Variants in PRTG observed in about 807,000 individuals in gnomAD.
PRTG encodes immunoglobulin superfamily, DCC subclass, member 5.
A neutral mutation model predicts 122.5 loss-of-function variants in PRTG; 67 were observed. That is an observed-to-expected ratio of 0.55 (90% CI 0.45 to 0.67). The LOEUF (loss-of-function observed/expected upper bound fraction) is 0.67, where lower values mean the gene tolerates loss of function less well. PRTG is among the 30% of genes least tolerant of loss of function. PRTG has a pLI of 0.00. For synonymous variants in PRTG, 554 were observed against 501.1 expected, an observed-to-expected ratio of 1.11 and a Z score of -1.41; for missense variants, 1,435 against 1,415.4, an observed-to-expected ratio of 1.01 and a Z score of -0.22.
Position 55,740,555 on chromosome 15 carries a change from T to C in PRTG, c.224A>G (p.Asn75Ser), listed in dbSNP as rs1471859613. 5.0e-6 allele frequency: 8 copies of C among 1,614,216 alleles called. No homozygotes were observed. Among genetic ancestry groups the C allele is most frequent in the Non-Finnish European group, 5.9e-6 (7 of 1,180,026 alleles). Residue 75 changes from asparagine to serine, a missense_variant, in exon 2 of 20, where the codon AAT becomes AGT. Transcript: ENST00000389286. ...EVPIKVTWLK[N>S]GAKMSENKRI... ...TTTATTTTCAGACATTTTTGCTCCATTTTTCAACCATGTGACCTTAATAGG... is the reference window on the plus strand; with the variant it reads ...TTTATTTTCAGACATTTTTGCTCCACTTTTCAACCATGTGACCTTAATAGG...
chr15:55,664,616 A>G (rs933087556), intron 11 of PRTG, among the ~76,000 whole-genome samples: 1 of 152,100 alleles, frequency 6.6e-6, no homozygotes, highest in African/African-American at 2.4e-5. Context: ...AGGGTCTCAC[A>G]GGCCCTACTT....
chr15:55,617,786 G>C lies in PRTG; in HGVS notation c.*2226C>G, dbSNP rs1397020394. ...TCCTAGACACATCTTCCATAACCAT[G>C]ATGGATGATGTTTCAGCTTTAGATT... On this transcript the variant is annotated 3_prime_UTR_variant, in exon 20 of 20. Transcript: ENST00000389286. 1.3e-5 allele frequency: 2 copies of C among 152,094 alleles called. No individual in the cohort carries two copies. Among genetic ancestry groups the C allele is most frequent in the Non-Finnish European group, 2.9e-5 (2 of 68,004 alleles). 9.4% of individuals were successfully genotyped at this position (152,094 alleles called of 1,614,324 possible).
intron 2 of PRTG, among the ~76,000 whole-genome samples, chr15:55,686,393 TCTTA>T (rs919485797): frequency 7.2e-5 from 11 of 152,054 alleles, no homozygotes; most frequent in South Asian, 2.1e-4. Flanking sequence ...GACTGAAATA[TCTTA>T]CTTAGTTTAA....
chr15:55,675,798 C>CTG, intron 8 of PRTG, 115 bp from the exon 9 acceptor site: 1 of 525,318 alleles, frequency 1.9e-6, no homozygotes, highest in South Asian at 4.2e-5. Context: ...CTCTTATCTT[C>CTG]TGTGCCCCTT....
intron 2 of PRTG, among the ~76,000 whole-genome samples, chr15:55,697,800 T>G (rs2059640057): frequency 6.6e-6 from 1 of 152,230 alleles, no homozygotes; most frequent in Non-Finnish European, 1.5e-5. Flanking sequence ...TCAAATTTCT[T>G]ACTTTTCCTG....
intron 1 of PRTG, among the ~76,000 whole-genome samples, chr15:55,740,976 A>G (rs1276425449): frequency 6.6e-6 from 1 of 152,246 alleles, no homozygotes; most frequent in Non-Finnish European, 1.5e-5. Flanking sequence ...CAAAATCATC[A>G]GGAAAACTCA....
intron 11 of PRTG, among the ~76,000 whole-genome samples, chr15:55,643,454 G>C (rs1169713870): frequency 6.6e-6 from 1 of 152,128 alleles, no homozygotes; most frequent in Non-Finnish European, 1.5e-5. Flanking sequence ...TGTTTTCTGA[G>C]AGAGGGTCTT....
At chr15:55,680,961 C>T (rs2059534738) in intron 4 of PRTG, among the ~76,000 whole-genome samples, 1 of 152,110 alleles carries the variant, frequency 6.6e-6, no homozygotes, top group Admixed American at 6.5e-5. Flanking sequence ...CTGGATTTGC[C>T]TATTCTAGAC....
At chr15:55,625,395 G>A (rs1371311367) in intron 17 of PRTG, among the ~76,000 whole-genome samples, 3 of 151,922 alleles carry the variant, frequency 2.0e-5, no homozygotes, top group African/African-American at 4.8e-5. Flanking sequence ...TACTGAAACA[G>A]AAAATATTCC....
At chr15:55,741,390 CAACT>C (rs1314798998) in intron 1 of PRTG, among the ~76,000 whole-genome samples, 1 of 152,102 alleles carries the variant, frequency 6.6e-6, no homozygotes, top group Non-Finnish European at 1.5e-5. Flanking sequence ...CTAGAACTAC[CAACT>C]GTTGGAAAAA....
chr15:55,626,540 G>A (rs1037939652), intron 17 of PRTG, among the ~76,000 whole-genome samples: 1 of 151,294 alleles, frequency 6.6e-6, no homozygotes, highest in Non-Finnish European at 1.5e-5. Context: ...CACGAGGTCA[G>A]GAGATCAAGA....
chr15:55,659,235 T>G (rs1052399436), intron 11 of PRTG, among the ~76,000 whole-genome samples: 3 of 152,208 alleles, frequency 2.0e-5, no homozygotes, highest in Non-Finnish European at 4.4e-5. Context: ...CAATAAACTA[T>G]GTCAGGATGA....
chr15:55,629,355 C>T, intron 15 of PRTG, among the ~76,000 whole-genome samples: 1 of 78,258 alleles, frequency 1.3e-5, no homozygotes, highest in Admixed American at 1.5e-4. Context: ...TTTTGTTTGG[C>T]TTTGTATATA....
At chr15:55,713,748 T>A (rs1339644796) in intron 2 of PRTG, among the ~76,000 whole-genome samples, 1 of 152,050 alleles carries the variant, frequency 6.6e-6, no homozygotes, top group African/African-American at 2.4e-5. Flanking sequence ...TTTACTAGGA[T>A]GTTTGCTTCT....
rs560617040 is a variant in PRTG, at chr15:55,653,755, C to T, written c.2042-12547G>A. On this transcript the variant is annotated intron_variant, in intron 11 of 19. Coordinates refer to ENST00000389286, the MANE Select transcript of PRTG (RefSeq NM_173814.6). ...CTGGGATTATAGGCGTCAGCCACTGCGCCCGGCCAGATAATTTCTATGTTT... is the reference window on the plus strand; with the variant it reads ...CTGGGATTATAGGCGTCAGCCACTGTGCCCGGCCAGATAATTTCTATGTTT... 9.2e-5 allele frequency among the ~76,000 whole-genome samples: 14 copies of T among 152,302 alleles called. No individual in the cohort carries two copies. The East Asian group carries it at 1.4e-3, about 15-fold the overall frequency.
intron 11 of PRTG, among the ~76,000 whole-genome samples, chr15:55,659,150 C>T (rs554738697): frequency 2.1e-4 from 32 of 152,254 alleles, no homozygotes; most frequent in African/African-American, 7.7e-4. Flanking sequence ...CTTACAGCAG[C>T]CCACATTTGC....
At chr15:55,694,882 C>T (rs185845172) in intron 2 of PRTG, among the ~76,000 whole-genome samples, 3 of 152,284 alleles carry the variant, frequency 2.0e-5, no homozygotes, top group African/African-American at 4.8e-5. Context: ...CCTTGTGAAA[C>T]CTGACCTCTC....
In PRTG at chr15:55,639,756, G is replaced by A; in HGVS notation, c.2210C>T (p.Ser737Phe). Residue 737 changes from serine to phenylalanine, a missense_variant, in exon 13 of 20, where the codon TCC becomes TTC. Physicochemically the swap from Ser to Phe is radical, Grantham distance 155 (BLOSUM62 -2). Coordinates refer to ENST00000389286, the MANE Select transcript of PRTG (RefSeq NM_173814.6). ...HLYAKANTSS[S>F]IFLHWRRPAF... Reference sequence around the variant, plus strand: ...AGGCCTCCTCCAGTGCAGGAAGATGGAAGATGAGGTGTTAGCCTTCGCATA... The same window carrying A: ...AGGCCTCCTCCAGTGCAGGAAGATGAAAGATGAGGTGTTAGCCTTCGCATA... 1 of 1,614,198 alleles carries A rather than the reference G, an allele frequency of 6.2e-7. No homozygotes were observed. The highest frequency in any genetic ancestry group is 8.5e-7 in the Non-Finnish European group (1 of 1,180,020).
rs200002904 is a variant in PRTG, at chr15:55,738,801, GAGGA to G, written c.397+1577_397+1580del. On this transcript the variant is annotated intron_variant, in intron 2 of 19. Transcript: ENST00000389286. ...AGGGAGGGAGGGGGAGGAAGGTAGGGAGGAAGGAAGGAAGGAAGGGAGAGAAACA... is the reference window on the plus strand; with the variant it reads ...AGGGAGGGAGGGGGAGGAAGGTAGGGAGGAAGGAAGGAAGGGAGAGAAACA... 610 of 227,516 alleles carry G rather than the reference GAGGA, an allele frequency of 2.7e-3. 4 individuals are homozygous for G. The highest frequency in any genetic ancestry group is 7.0e-3 in the African/African-American group (298 of 42,816). The allele number at this position is 227,516 out of a possible 1,614,324, so 14.1% of individuals were successfully genotyped here.
Sources: allele counts gnomAD v4.1 joint callset (sites outside exome capture counted in the v4.1 genomes callset), GRCh38; gene constraint gnomAD v4.1.1; transcripts MANE v1.5; gene names NCBI Gene and HGNC (gene_info 2026-07-23, HGNC 2026-07-21).